The following FLAD1 variants were observed in gnomAD, a reference collection of about 807,000 sequenced individuals.
The protein encoded by FLAD1 is flavin adenine dinucleotide synthetase 1.
In FLAD1, 35 loss-of-function variants were observed where a neutral mutation model predicts 55.0. That is an observed-to-expected ratio of 0.64 (90% CI 0.49 to 0.84). The LOEUF is 0.84. Among genes scored for constraint, FLAD1 ranks in the 40% least tolerant of loss-of-function variants. The pLI is 0.00. For missense variants in FLAD1, 665 were observed against 742.6 expected (o/e 0.90, Z 1.21); for synonymous variants, 267 against 303.0 (o/e 0.88, Z 1.23).
Position 154,988,327 on chromosome 1 carries a change from C to G in FLAD1, c.595C>G (p.Leu199Val). The G allele has an allele frequency of 6.2e-7, 1 of 1,614,222 alleles. No homozygotes were observed. Among genetic ancestry groups the G allele is most frequent in the Non-Finnish European group, 8.5e-7 (1 of 1,180,046 alleles). Residue 199 changes from leucine (L) to valine (V), a missense_variant, in exon 2 of 7, where the codon CTG becomes GTG. Physicochemically the swap from Leu to Val is conservative, Grantham distance 32. Coordinates refer to ENST00000292180, the MANE Select transcript of FLAD1 (RefSeq NM_025207.5). ...AGTGGCACAGGCCTTTGGAGATGAG[C>G]TGAAGCCACACCCCAAGTTGGAAGC... ...EAVAQAFGDE[L>V]KPHPKLEAAT...
At chr1:154,990,883 T>C (rs1469686582) in intron 5 of FLAD1, 1 of 168,090 alleles carries the variant, frequency 5.9e-6, no homozygotes, top group African/African-American at 2.4e-5. Context: ...TGATGGTATG[T>C]GGATACCTCA....
At chr1:154,989,312 G>GCCCACAC (rs1442335394) in intron 2 of FLAD1, among the ~76,000 whole-genome samples, 3 of 152,124 alleles carry the variant, frequency 2.0e-5, no homozygotes, top group Admixed American at 6.6e-5. Flanking sequence ...ATGGAAGGAA[G>GCCCACAC]CCCACACCCC....
Position 154,992,710 on chromosome 1 carries a change from C to G in FLAD1, c.1555-3C>G, listed in dbSNP as rs1657935403. 1 of 1,614,046 alleles carries G rather than the reference C, an allele frequency of 6.2e-7. No homozygotes were observed. The highest frequency in any genetic ancestry group is 1.7e-5 in the Admixed American group (1 of 59,996). On this transcript the variant is annotated splice_polypyrimidine_tract_variant and splice_region_variant and intron_variant, in intron 5 of 6. Transcript: ENST00000292180. ...TGACTATTCTATTACTCTGACCTCC[C>G]AGGACTGGACCTACAGAGACATCTG...
In FLAD1 at chr1:154,983,854, C is replaced by T. The variant is rs1261735391; in HGVS notation, c.160C>T (p.Gln54Ter). ...LFWLLQVPSTQDPLFPGYGPQ... is the reference protein window; with the variant it reads ...LFWLLQVPST ...CTGGCTTCTCCAGGTTCCCTCGACC[C>T]AGGACCCCCTGTTCCCAGGCTATGG... The change falls in exon 1 of 7, where the codon CAG becomes TAG. Residue 54 changes from glutamine to a stop codon, truncating the protein, a stop_gained. Transcript: ENST00000292180. LOFTEE classifies it high-confidence loss of function. 6.2e-7 allele frequency: 1 copy of T among 1,614,054 alleles called. No homozygotes were observed. The highest frequency in any genetic ancestry group is 8.5e-7 in the Non-Finnish European group (1 of 1,180,034).
intron 1 of FLAD1, chr1:154,987,632 G>A: frequency 5.1e-6 from 1 of 197,342 alleles, no homozygotes; most frequent in Non-Finnish European, 1.0e-5. Context: ...CTTGGTGGCA[G>A]TGGGGACAGA....
In FLAD1 at chr1:154,983,849, C is replaced by A; in HGVS notation, c.155C>A (p.Ser52Ter). ...CTTTTCTGGCTTCTCCAGGTTCCCT[C>A]GACCCAGGACCCCCTGTTCCCAGGC... is the stretch of plus-strand genomic sequence containing the variant. ...HCLFWLLQVP[S>*]TQDPLFPGYG... The change falls in exon 1 of 7, where the codon TCG becomes TAG. Residue 52 changes from serine to a stop codon, truncating the protein, a stop_gained. Transcript: ENST00000292180. LOFTEE classifies it high-confidence loss of function. 6.2e-7 allele frequency: 1 copy of A among 1,614,172 alleles called. No homozygotes were observed. The highest frequency in any genetic ancestry group is 8.5e-7 in the Non-Finnish European group (1 of 1,180,018).
At chr1:154,985,884 C>G (rs1017025266) in intron 1 of FLAD1, among the ~76,000 whole-genome samples, 6 of 150,122 alleles carry the variant, frequency 4.0e-5, no homozygotes, top group Non-Finnish European at 5.9e-5. Flanking sequence ...GGCCACCACG[C>G]CCGGTTAATT....
intron 5 of FLAD1, 63 bp downstream of exon 5, chr1:154,990,591 C>G: frequency 2.1e-6 from 3 of 1,460,190 alleles, no homozygotes; most frequent in Non-Finnish European, 2.7e-6. Context: ...TGCACCCTAG[C>G]TCACCTGCAG....
intron 2 of FLAD1, 161 bp downstream of exon 2, chr1:154,989,010 C>T: frequency 6.9e-7 from 1 of 1,459,384 alleles, no homozygotes; most frequent in Non-Finnish European, 9.1e-7. Context: ...GATTGAGTAC[C>T]TATTTTCATC....
chr1:154,990,527 T>C lies in FLAD1; in HGVS notation c.1553T>C (p.Leu518Pro). The change falls in exon 5 of 7, where the codon CTG becomes CCG. Residue 518 changes from leucine to proline, a missense_variant and splice_region_variant. By Grantham distance (98) the Leu-to-Pro change is moderately conservative. Transcript: ENST00000292180. Reference protein sequence around the residue: ...WPAFMRINPLLDWTYRDIWDF... With the variant: ...WPAFMRINPLPDWTYRDIWDF... ...GCATTCATGCGCATCAACCCACTGCTGGTAATGGGGAAGAGGGTTTATCAC... is the reference window on the plus strand; with the variant it reads ...GCATTCATGCGCATCAACCCACTGCCGGTAATGGGGAAGAGGGTTTATCAC... 6.3e-7 allele frequency: 1 copy of C among 1,596,778 alleles called. No homozygotes were observed. Among genetic ancestry groups the C allele is most frequent in the Non-Finnish European group, 8.5e-7 (1 of 1,170,120 alleles).
Position 154,989,573 on chromosome 1 carries a change from G to A in FLAD1, c.1131G>A (p.Gly377=). The A allele has an allele frequency of 6.3e-7, 1 of 1,579,734 alleles. No homozygotes were observed. Among genetic ancestry groups the A allele is most frequent in the East Asian group, 2.3e-5 (1 of 43,148 alleles). Residue 377 remains glycine, a synonymous_variant, in exon 3 of 7, where the codon GGG becomes GGA. Transcript: ENST00000292180. ...CCTGCTTGGCAGGGTCTTCTTTGGG[G>A]AAAAAGGTGGCAGGTGCCCTACAGA... ...YKLAESGSSL[G]KKVAGALQTI... is the part of the protein sequence containing the mutation.
At chr1:154,984,454 A>T (rs1475764623) in intron 1 of FLAD1, among the ~76,000 whole-genome samples, 1 of 152,006 alleles carries the variant, frequency 6.6e-6, no homozygotes, top group Non-Finnish European at 1.5e-5. Context: ...TGGCTCACGC[A>T]TGTAATCCCA....
chr1:154,992,571 C>G (rs772914680), intron 5 of FLAD1, 142 bp from the exon 6 acceptor site: 12 of 1,613,732 alleles, frequency 7.4e-6, no homozygotes, highest in Non-Finnish European at 1.0e-5. Context: ...ATAGAGCAAG[C>G]TATACCAGAG....
At position 154,988,382 on chromosome 1, in the gene FLAD1, G is replaced by T; in HGVS notation, c.650G>T (p.Trp217Leu). ...AATKALGGEGWEKLSLVPSSA... is the reference protein window; with the variant it reads ...AATKALGGEGLEKLSLVPSSA... The stretch of plus-strand genomic sequence containing the variant: ...ACCAAAGCCCTAGGAGGGGAAGGCT[G>T]GGAGAAGCTATCATTGGTGCCCTCC... Residue 217 changes from tryptophan to leucine, a missense_variant, in exon 2 of 7, where the codon TGG becomes TTG. Trp to Leu is a moderately conservative substitution (Grantham distance 61). Transcript: ENST00000292180. 6.2e-7 allele frequency: 1 copy of T among 1,614,198 alleles called. No individual in the cohort carries two copies. The highest frequency in any genetic ancestry group is 2.2e-5 in the East Asian group (1 of 44,886).
chr1:154,985,010 G>A (rs1158304501), intron 1 of FLAD1, among the ~76,000 whole-genome samples: 1 of 135,364 alleles, frequency 7.4e-6, no homozygotes, highest in African/African-American at 2.8e-5. Context: ...GACTACAGGT[G>A]TTAGCCGCCA....
chr1:154,986,642 CCA>C (rs1282315453), intron 1 of FLAD1, among the ~76,000 whole-genome samples: 2 of 151,454 alleles, frequency 1.3e-5, no homozygotes, highest in Admixed American at 1.3e-4. Context: ...AGCAATTCTC[CCA>C]CATCAGCCTC....
At chr1:154,984,159 G>GT (rs1439260371) in intron 1 of FLAD1, 93 bp downstream of exon 1, 1 of 1,195,234 alleles carries the variant, frequency 8.4e-7, no homozygotes, top group East Asian at 2.7e-5. Flanking sequence ...GTGAAACAGG[G>GT]TGGGAGCCTC....
chr1:154,989,640 TG>T lies in FLAD1; in HGVS notation c.1199del (p.Cys400LeufsTer68). 6.2e-7 allele frequency: 1 copy of T among 1,600,994 alleles called. No individual in the cohort carries two copies. Among genetic ancestry groups the T allele is most frequent in the Non-Finnish European group, 8.5e-7 (1 of 1,172,496 alleles). Reference protein sequence around the residue: ...SLAQYSLTQLCVGFNGGKDCT... With the variant: ...SLAQYSLTQLXVGFNGGKDCT... ...GGCTCAGTACAGCCTCACCCAGCTC[TG>T]TGTGGGCTTCAACGGGGGCAAAGAC... On this transcript the variant is annotated frameshift_variant, in exon 3 of 7. Coordinates refer to ENST00000292180, the MANE Select transcript of FLAD1 (RefSeq NM_025207.5). LOFTEE classifies it high-confidence loss of function.
In FLAD1 at chr1:154,991,229, T is replaced by C. The variant is rs1404171081; in HGVS notation, c.1554+701T>C. 2.5e-5 allele frequency: 3 copies of C among 120,436 alleles called. No homozygotes were observed. In the East Asian group the frequency reaches 7.4e-4, roughly 30 times the overall value. The allele number at this position is 120,436 out of a possible 1,614,324, so 7.5% of individuals were successfully genotyped here. ...CTCAAAAAAAAAAAAAAAAAAAATA[T>C]ATATATATATATGTATATATATATA... On this transcript the variant is annotated intron_variant, in intron 5 of 6. Coordinates refer to ENST00000292180, the MANE Select transcript of FLAD1 (RefSeq NM_025207.5).
Sources: gnomAD v4.1 joint callset for allele counts (sites outside exome capture counted in the v4.1 genomes callset) on GRCh38, gnomAD v4.1.1 for gene constraint, MANE v1.5 for transcripts, NCBI Gene and HGNC (gene_info 2026-07-23, HGNC 2026-07-21) for gene names.